Variants in EHMT1 observed in about 807,000 individuals in gnomAD.
EHMT1 encodes euchromatic histone lysine methyltransferase 1, also known as histone-lysine N-methyltransferase EHMT1.
Under a neutral mutation model 147.2 loss-of-function variants are expected in EHMT1, and 15 were observed. The observed-to-expected ratio is 0.10, with a 90% CI of 0.07 to 0.16. EHMT1 has a LOEUF of 0.16. EHMT1 is among the 10% of genes least tolerant of loss of function. The pLI is 1.00. For synonymous variants in EHMT1, 795 were observed against 709.6 expected, an observed-to-expected ratio of 1.12 and a Z score of -1.91; for missense variants, 1,587 against 1,772.4, an observed-to-expected ratio of 0.90 and a Z score of 1.88.
chr9:137,622,204 C>T lies in EHMT1; in HGVS notation c.21+3155C>T, dbSNP rs567166531. 4.0e-5 allele frequency among the ~76,000 whole-genome samples: 6 copies of T among 149,484 alleles called. No homozygotes were observed. In the South Asian group the frequency reaches 8.6e-4, roughly 21 times the overall value. On this transcript the variant is annotated intron_variant, in intron 1 of 26. Coordinates refer to ENST00000460843, the MANE Select transcript of EHMT1 (RefSeq NM_024757.5). ...CCCGATCTTGGCTCACTGCAGCCTC[C>T]GCCTCCCGGATTCAAGTGATTCTTG...
In EHMT1 at chr9:137,828,598, A is replaced by G. The variant is rs1588919328; in HGVS notation, c.3541-5751A>G. ...TGCGGGGGTGCGGGGTGGGGGAGGT[A>G]CCACGTCTCCCGGGCAGCCACAGAT... On this transcript the variant is annotated intron_variant, in intron 25 of 26. Coordinates refer to ENST00000460843, the MANE Select transcript of EHMT1 (RefSeq NM_024757.5). The surrounding 1 kb of genome is among the most constrained non-coding windows in gnomAD (Gnocchi z 5.3). Among the ~76,000 whole-genome samples, 1 of 152,076 alleles carries G rather than the reference A, an allele frequency of 6.6e-6. No individual in the cohort carries two copies.
Position 137,788,000 on chromosome 9 carries a change from G to A in EHMT1, c.2383-2848G>A. 2.7e-6 allele frequency: 4 copies of A among 1,462,634 alleles called. No individual in the cohort carries two copies. In the Admixed American group the frequency reaches 7.1e-5, roughly 26 times the overall value. The allele number at this position is 1,462,634 out of a possible 1,614,324, so 90.6% of individuals were successfully genotyped here. ...CAGGAACTGAGGTGCCCTGCAGTAAGTGGAGAGGCCAGGCCCTAGGCTCCG... is the reference window on the plus strand; with the variant it reads ...CAGGAACTGAGGTGCCCTGCAGTAAATGGAGAGGCCAGGCCCTAGGCTCCG... On this transcript the variant is annotated intron_variant, in intron 15 of 26. Transcript: ENST00000460843. The surrounding 1 kb of genome is among the most constrained non-coding windows in gnomAD (Gnocchi z 4.2).
chr9:137,805,344 G>C (rs1469477943), intron 18 of EHMT1, among the ~76,000 whole-genome samples: 2 of 152,040 alleles, frequency 1.3e-5, no homozygotes, highest in African/African-American at 2.4e-5. Context: ...GGTCATCCAT[G>C]TCAGTTGTCT....
At position 137,679,139 on chromosome 9, in the gene EHMT1, C is replaced by T. The variant is rs143903277; in HGVS notation, c.22-31828C>T. 9.5e-3 allele frequency among the ~76,000 whole-genome samples: 1,440 copies of T among 152,186 alleles called. 9 individuals are homozygous for T. The highest frequency in any genetic ancestry group is 0.014 in the Middle Eastern group (4 of 294). On this transcript the variant is annotated intron_variant, in intron 1 of 26. Coordinates refer to ENST00000460843, the MANE Select transcript of EHMT1 (RefSeq NM_024757.5). ...CTAATTTTTGTACTTTTAATAGAGA[C>T]GGGGTTTCACCATGTTGGCCAGGCT...
chr9:137,788,024 C>A, intron 15 of EHMT1: 1 of 1,416,626 alleles, frequency 7.1e-7, no homozygotes. Context: ...CCCTAGGCTC[C>A]GGGAAGAGGG....
At chr9:137,777,739 C>G in intron 12 of EHMT1, 143 bp from the exon 13 acceptor site, 1 of 1,288,280 alleles carries the variant, frequency 7.8e-7, no homozygotes. Flanking sequence ...GTTCTGAATC[C>G]TGAACCGTTA....
intron 16 of EHMT1, among the ~76,000 whole-genome samples, 196 bp from the exon 17 acceptor site, chr9:137,798,617 T>C (rs1385237138): frequency 2.0e-5 from 3 of 152,168 alleles, no homozygotes; most frequent in Non-Finnish European, 4.4e-5. Context: ...TGACCACTCA[T>C]GGGGCCACAG....
At chr9:137,715,279 C>T (rs1945105286) in intron 2 of EHMT1, among the ~76,000 whole-genome samples, 1 of 152,210 alleles carries the variant, frequency 6.6e-6, no homozygotes, top group Non-Finnish European at 1.5e-5. Context: ...TTTACATATA[C>T]ATCTGCTGCA....
chr9:137,834,060 C>T (rs1956418924), intron 25 of EHMT1: 1 of 515,038 alleles, frequency 1.9e-6, no homozygotes, highest in African/African-American at 1.9e-5. Context: ...TTCCACCGCG[C>T]TGGAAGCCCC....
chr9:137,814,610 C>T (rs554259240), intron 22 of EHMT1, 102 bp downstream of exon 22: 116 of 1,379,264 alleles, frequency 8.4e-5, no homozygotes, highest in Non-Finnish European at 8.1e-5. Context: ...GTCGTGGCAG[C>T]GTCGGGAAGG....
intron 1 of EHMT1, chr9:137,641,423 A>T: frequency 1.9e-6 from 1 of 532,974 alleles, no homozygotes; most frequent in Non-Finnish European, 3.7e-6. Context: ...CTGTCACTTC[A>T]GCACTGGTCA....
At chr9:137,809,834 AGGGT>A (rs1490260747) in intron 18 of EHMT1, among the ~76,000 whole-genome samples, 1 of 151,652 alleles carries the variant, frequency 6.6e-6, no homozygotes, top group Non-Finnish European at 1.5e-5. Context: ...CTGTGGGGGA[AGGGT>A]CCGGAGGCGG....
chr9:137,783,130 C>T (rs1351787997), intron 15 of EHMT1, among the ~76,000 whole-genome samples: 1 of 152,210 alleles, frequency 6.6e-6, no homozygotes, highest in African/African-American at 2.4e-5. Context: ...TTTAGATCCA[C>T]TGGGGCATTT....
intron 1 of EHMT1, among the ~76,000 whole-genome samples, chr9:137,697,459 A>G (rs1391541858): frequency 7.2e-5 from 11 of 152,230 alleles, no homozygotes; most frequent in Admixed American, 7.2e-4. Context: ...TGCTCACTGC[A>G]CACAGGGTCA....
chr9:137,754,444 T>TC (rs1165015366), intron 8 of EHMT1, among the ~76,000 whole-genome samples, 153 bp downstream of exon 8: 1 of 152,194 alleles, frequency 6.6e-6, no homozygotes, highest in East Asian at 1.9e-4. Context: ...TTAGAGAAAC[T>TC]CAAGTGATTC....
rs1172877242 is a variant in EHMT1, at chr9:137,835,689, T to A, written c.*736T>A. ...ATGATGAATAAACTGATTTATTTTC[T>A]ACCATTACTGAACATTAGGACAAAC... is the stretch of plus-strand genomic sequence containing the variant. On this transcript the variant is annotated 3_prime_UTR_variant, in exon 27 of 27. Coordinates refer to ENST00000460843, the MANE Select transcript of EHMT1 (RefSeq NM_024757.5). 2.6e-5 allele frequency: 4 copies of A among 152,676 alleles called. No individual in the cohort carries two copies. Among genetic ancestry groups the A allele is most frequent in the African/African-American group, 9.6e-5 (4 of 41,466 alleles). The allele number at this position is 152,676 out of a possible 1,614,324, so 9.5% of individuals were successfully genotyped here.
At chr9:137,771,401 AT>A (rs1564729677) in intron 10 of EHMT1, among the ~76,000 whole-genome samples, 1 of 151,752 alleles carries the variant, frequency 6.6e-6, no homozygotes, top group African/African-American at 2.4e-5. Context: ...GAGTTTCCCT[AT>A]GTTGGCCAGG....
At chr9:137,764,266 C>A (rs1950063331) in intron 10 of EHMT1, 1 of 152,462 alleles carries the variant, frequency 6.6e-6, no homozygotes, top group African/African-American at 2.4e-5. Context: ...CTCATCCCAG[C>A]TAGGCGACGT....
At chr9:137,764,286 CG>C (rs1950066319) in intron 10 of EHMT1, 1 of 152,400 alleles carries the variant, frequency 6.6e-6, no homozygotes, top group South Asian at 2.1e-4. Context: ...TCTGCGTCAG[CG>C]CCTCTCATCT....
Sources: allele counts gnomAD v4.1 joint callset (sites outside exome capture counted in the v4.1 genomes callset), GRCh38; gene constraint gnomAD v4.1.1; non-coding constraint Gnocchi (gnomAD v3.1); transcripts MANE v1.5; gene names NCBI Gene and HGNC (gene_info 2026-07-23, HGNC 2026-07-21).